The following UBR3 variants were observed in gnomAD, a reference collection of about 807,000 sequenced individuals.
UBR3 encodes E3 ubiquitin-protein ligase UBR3.
A neutral mutation model predicts 243.2 loss-of-function variants in UBR3; 85 were observed. The ratio of observed to expected loss-of-function variants is 0.35; its 90% CI spans 0.29 to 0.42. The LOEUF is 0.42. Ranked by LOEUF, UBR3 falls within the 10% of genes least tolerant of loss-of-function variation. UBR3 has a pLI of 1.00. For synonymous variants in UBR3, 748 were observed against 799.8 expected (o/e 0.94, Z 1.09); for missense variants, 1,686 against 2,300.8 (o/e 0.73, Z 5.47).
At chr2:170,061,582 C>T in intron 35 of UBR3, 139 bp downstream of exon 35, 1 of 1,005,088 alleles carries the variant, frequency 9.9e-7, no homozygotes, top group Non-Finnish European at 1.4e-6. Flanking sequence ...ATCCTCCTCC[C>T]TCAGCCCCTC....
At chr2:169,983,684 G>A (rs1456203175) in intron 24 of UBR3, among the ~76,000 whole-genome samples, 1 of 152,192 alleles carries the variant, frequency 6.6e-6, no homozygotes, top group African/African-American at 2.4e-5. Flanking sequence ...ACAGGGAGGA[G>A]TGGAGAATTG....
rs1409022550 is a variant in UBR3, at chr2:169,965,132, G to A, written c.3634+6606G>A. On this transcript the variant is annotated intron_variant, in intron 24 of 38. Transcript: ENST00000272793. ...GTTTGAGACCCCATTTTCACCCATT[G>A]CTCAAGATAAAACTTGCAAAGTCAC... 7.9e-5 allele frequency among the ~76,000 whole-genome samples: 12 copies of A among 152,246 alleles called. No individual in the cohort carries two copies. In the East Asian group the frequency reaches 2.3e-3, roughly 29 times the overall value.
chr2:169,891,247 A>C lies in UBR3; in HGVS notation c.1105+16A>C, dbSNP rs1250667560. Reference sequence around the variant, plus strand: ...GGCACCAAAGGTATTTGTATTTATTATTATTTTTTTCCTTGAATAAAATGC... The same window carrying C: ...GGCACCAAAGGTATTTGTATTTATTCTTATTTTTTTCCTTGAATAAAATGC... On this transcript the variant is annotated intron_variant, in intron 6 of 38. Transcript: ENST00000272793. 1.3e-6 allele frequency: 2 copies of C among 1,539,474 alleles called. No homozygotes were observed. The highest frequency in any genetic ancestry group is 8.8e-7 in the Non-Finnish European group (1 of 1,138,814).
chr2:169,939,361 C>A (rs955505933), intron 19 of UBR3, among the ~76,000 whole-genome samples: 3 of 151,596 alleles, frequency 2.0e-5, no homozygotes, highest in African/African-American at 7.3e-5. Context: ...CAGGTTCATG[C>A]CATTCTCCTG....
chr2:169,958,358 A>G, intron 23 of UBR3, 80 bp from the exon 24 acceptor site: 1 of 1,272,672 alleles, frequency 7.9e-7, no homozygotes, highest in Non-Finnish European at 1.1e-6. Context: ...GGGGCTTTTC[A>G]TACATTATAT....
chr2:169,835,534 G>A (rs2082055912), intron 1 of UBR3, among the ~76,000 whole-genome samples: 1 of 152,164 alleles, frequency 6.6e-6, no homozygotes, highest in East Asian at 1.9e-4. Context: ...TCTGCCTCCT[G>A]AGTTCAAGCG....
At chr2:169,928,159 T>C (rs187193673) in intron 17 of UBR3, among the ~76,000 whole-genome samples, 1 of 152,324 alleles carries the variant, frequency 6.6e-6, no homozygotes, top group African/African-American at 2.4e-5. Flanking sequence ...CCTTCAGTCA[T>C]TATGAACTAT....
rs781006956 is a variant in UBR3, at chr2:169,909,114, C to T, written c.1779+2950C>T. On this transcript the variant is annotated intron_variant, in intron 10 of 38. Coordinates refer to ENST00000272793, the MANE Select transcript of UBR3 (RefSeq NM_172070.4). ...CTGGGATTACAGGCGTGAGCCACCACGCCCGGCCTTGATTGGTCCTTTTAA... is the reference window on the plus strand; with the variant it reads ...CTGGGATTACAGGCGTGAGCCACCATGCCCGGCCTTGATTGGTCCTTTTAA... Among the ~76,000 whole-genome samples, 12 of 152,092 alleles carry T rather than the reference C, an allele frequency of 7.9e-5. No homozygotes were observed. The South Asian group carries it at 8.3e-4, about 11-fold the overall frequency.
At chr2:169,941,811 A>G (rs1427884293) in intron 19 of UBR3, among the ~76,000 whole-genome samples, 1 of 152,226 alleles carries the variant, frequency 6.6e-6, no homozygotes, top group Non-Finnish European at 1.5e-5. Flanking sequence ...ATACAAGTTC[A>G]TAATTATCTT....
intron 32 of UBR3, among the ~76,000 whole-genome samples, chr2:170,046,117 C>T (rs1471033851): frequency 1.1e-4 from 16 of 152,022 alleles, no homozygotes; most frequent in Admixed American, 1.0e-3. Context: ...CAGGCGCCTG[C>T]TACCACACCT....
At chr2:169,882,601 C>T (rs186420442) in intron 5 of UBR3, among the ~76,000 whole-genome samples, 117 of 151,330 alleles carry the variant, frequency 7.7e-4, no homozygotes, top group Non-Finnish European at 1.3e-3. Context: ...ATTAGCTGAA[C>T]ATGCTGGCAC....
At chr2:169,904,674 C>G (rs1275983496) in intron 8 of UBR3, among the ~76,000 whole-genome samples, 1 of 151,982 alleles carries the variant, frequency 6.6e-6, no homozygotes, top group East Asian at 1.9e-4. Flanking sequence ...ATTAAATGTA[C>G]ATCTCTTGAA....
intron 1 of UBR3, among the ~76,000 whole-genome samples, chr2:169,842,256 G>A (rs2082321769): frequency 6.6e-6 from 1 of 152,152 alleles, no homozygotes; most frequent in African/African-American, 2.4e-5. Context: ...GGGCCTTGGA[G>A]AACCTGTGTG....
At chr2:169,881,914 TATGTATAC>T (rs1266761653) in intron 5 of UBR3, among the ~76,000 whole-genome samples, 1 of 99,162 alleles carries the variant, frequency 1.0e-5, no homozygotes, top group Non-Finnish European at 2.2e-5. Context: ...GGTATATGTA[TATGTATAC>T]ATGTATACAT....
chr2:169,860,191 C>T (rs764137606), intron 1 of UBR3, among the ~76,000 whole-genome samples: 1 of 152,092 alleles, frequency 6.6e-6, no homozygotes, highest in African/African-American at 2.4e-5. Context: ...GGTTATGGAT[C>T]GTATGTTTCT....
chr2:169,869,760 T>C (rs2083378947), intron 1 of UBR3, among the ~76,000 whole-genome samples: 1 of 152,200 alleles, frequency 6.6e-6, no homozygotes, highest in Non-Finnish European at 1.5e-5. Context: ...AATTCATTGC[T>C]TTATTAGAGA....
chr2:169,867,636 A>G (rs1476552057), intron 1 of UBR3, among the ~76,000 whole-genome samples: 2 of 152,374 alleles, frequency 1.3e-5, no homozygotes, highest in East Asian at 3.9e-4. Flanking sequence ...CATGTATACA[A>G]CAAAAATTTC....
chr2:169,901,996 T>A (rs1574159155), intron 8 of UBR3, among the ~76,000 whole-genome samples: 1 of 152,276 alleles, frequency 6.6e-6, no homozygotes, highest in Admixed American at 6.5e-5. Flanking sequence ...ACACACAGTG[T>A]CCATAGCGAA....
chr2:169,868,163 A>G (rs568839020), intron 1 of UBR3, among the ~76,000 whole-genome samples: 37 of 152,092 alleles, frequency 2.4e-4, no homozygotes, highest in Non-Finnish European at 4.6e-4. Context: ...CATGAACATA[A>G]CAATGAAACC....
Sources: gnomAD v4.1 joint callset for allele counts (sites outside exome capture counted in the v4.1 genomes callset) on GRCh38, gnomAD v4.1.1 for gene constraint, MANE v1.5 for transcripts, NCBI Gene and HGNC (gene_info 2026-07-23, HGNC 2026-07-21) for gene names.